TRMT11: variants seen among roughly 807,000 people sequenced by gnomAD.
The protein encoded by TRMT11 is tRNA (guanine(10)-N(2))-methyltransferase TRMT11.
Under a neutral mutation model 62.8 loss-of-function variants are expected in TRMT11, and 53 were observed. That is an observed-to-expected ratio of 0.84 (90% confidence interval 0.68 to 1.06). TRMT11 has a LOEUF of 1.06. Among genes scored for constraint, TRMT11 ranks in the 50% least tolerant of loss-of-function variants. The pLI is 0.00. For synonymous variants in TRMT11, 188 were observed against 190.3 expected, an observed-to-expected ratio of 0.99 and a Z score of 0.10; for missense variants, 556 against 553.4, an observed-to-expected ratio of 1.00 and a Z score of -0.05.
At chr6:126,134,164 T>C (rs1777822995) in intron 21 of TRMT11, among the ~76,000 whole-genome samples, 1 of 151,880 alleles carries the variant, frequency 6.6e-6, no homozygotes, top group African/African-American at 2.4e-5. Flanking sequence ...ATAATAACAT[T>C]AAATGTAAAT....
chr6:126,174,840 G>A (rs571550966), upstream of TRMT11, among the ~76,000 whole-genome samples: 1 of 152,320 alleles, frequency 6.6e-6, no homozygotes, highest in East Asian at 1.9e-4. Context: ...AAGACAGTGA[G>A]AGAGCAAGAG....
Position 125,998,683 on chromosome 6 carries a change from G to A in TRMT11, c.521G>A (p.Trp174Ter), listed in dbSNP as rs1314545370. 1 of 1,608,518 alleles carries A rather than the reference G, an allele frequency of 6.2e-7. No individual in the cohort carries two copies. Among genetic ancestry groups the A allele is most frequent in the Non-Finnish European group, 8.5e-7 (1 of 1,178,456 alleles). The change falls in exon 6 of 13, where the codon TGG becomes TAG. Residue 174 changes from tryptophan to a stop codon, truncating the protein, a stop_gained and splice_region_variant. Coordinates refer to ENST00000334379, the MANE Select transcript of TRMT11 (RefSeq NM_001031712.3). LOFTEE classifies it high-confidence loss of function. ...ENPHNIYFGR[W>*]IADGQRELIE... The stretch of plus-strand genomic sequence containing the variant: ...CCACATAATATTTATTTTGGTAGAT[G>A]GGTGAGCAAGTTTTCTTTCTACCTA...
At chr6:126,042,293 G>A (rs953951733), downstream of TRMT11, among the ~76,000 whole-genome samples, 2 of 152,176 alleles carry the variant, frequency 1.3e-5, no homozygotes, top group African/African-American at 4.8e-5. Context: ...ATGTTCATAT[G>A]TTTCACTGTG....
chr6:126,151,851 T>TTTCTTTCTTTCTTTCTTTCTTTCC (rs1778052574), intron 21 of TRMT11, among the ~76,000 whole-genome samples: 1 of 142,368 alleles, frequency 7.0e-6, no homozygotes, highest in African/African-American at 2.6e-5. Flanking sequence ...TCTTTCTTTC[T>TTTCTTTCTTTCTTTCTTTCTTTCC]TTCTTTCTTT....
chr6:126,093,402 G>T (rs866712750), intron 17 of TRMT11, among the ~76,000 whole-genome samples: 3 of 150,712 alleles, frequency 2.0e-5, no homozygotes, highest in Non-Finnish European at 4.4e-5. Context: ...AAGGTAAATT[G>T]ACTATAACAA....
At chr6:126,021,044 T>C in intron 11 of TRMT11, 116 bp from the exon 12 acceptor site, 2 of 1,164,160 alleles carry the variant, frequency 1.7e-6, no homozygotes, top group Non-Finnish European at 2.5e-6. Context: ...AGTTAGCATA[T>C]GTGGGGAAAA....
intron 17 of TRMT11, among the ~76,000 whole-genome samples, chr6:126,072,284 G>T (rs1413009147): frequency 1.3e-5 from 2 of 152,144 alleles, no homozygotes; most frequent in East Asian, 1.9e-4. Context: ...TAAGGTCATA[G>T]AACACATGCT....
intron 21 of TRMT11, among the ~76,000 whole-genome samples, chr6:126,155,040 CT>C (rs1778100873): frequency 6.6e-6 from 1 of 152,066 alleles, no homozygotes; most frequent in South Asian, 2.1e-4. Context: ...TTGTATTAGG[CT>C]GTTTGAGTTG....
intron 21 of TRMT11, among the ~76,000 whole-genome samples, chr6:126,166,960 C>T (rs1344369178): frequency 6.6e-6 from 1 of 152,116 alleles, no homozygotes; most frequent in Non-Finnish European, 1.5e-5. Context: ...CAGTGTCCCA[C>T]CCCCCACCAA....
At chr6:126,252,701 G>A in the TRMT11 span, among the ~76,000 whole-genome samples, 1 of 152,148 alleles carries the variant, frequency 6.6e-6, no homozygotes, top group East Asian at 1.9e-4. Flanking sequence ...GCATCTGCAA[G>A]CAGGTAGAAA....
At chr6:126,073,717 GTATGT>G (rs1776927325) in intron 17 of TRMT11, among the ~76,000 whole-genome samples, 1 of 152,000 alleles carries the variant, frequency 6.6e-6, no homozygotes, top group Admixed American at 6.6e-5. Context: ...ATTCTTAAAA[GTATGT>G]TATATTATTT....
At chr6:126,160,058 A>G (rs536450447) in intron 21 of TRMT11, among the ~76,000 whole-genome samples, 6 of 152,296 alleles carry the variant, frequency 3.9e-5, no homozygotes, top group Admixed American at 3.3e-4. Context: ...GGACATATTC[A>G]TGGCTCTTCT....
chr6:126,248,992 G>A, the TRMT11 span, among the ~76,000 whole-genome samples: 1 of 152,054 alleles, frequency 6.6e-6, no homozygotes. Context: ...CTATCCAAGG[G>A]AAAAGTATTT....
Position 126,008,430 on chromosome 6 carries a change from G to A in TRMT11, c.718G>A (p.Val240Met), listed in dbSNP as rs200432870. Residue 240 changes from valine to methionine, a missense_variant, in exon 8 of 13, where the codon GTG (valine) becomes ATG (methionine). Physicochemically the swap from Val to Met is conservative, Grantham distance 21 (BLOSUM62 1). Coordinates refer to ENST00000334379, the MANE Select transcript of TRMT11 (RefSeq NM_001031712.3). ...AGCATGTGCTCATTTTGGTGCATAT[G>A]TGTATGGGACAGACATAGACTACAA... ...LIACAHFGAYVYGTDIDYNTV... is the reference protein window; with the variant it reads ...LIACAHFGAYMYGTDIDYNTV... 4.2e-5 allele frequency: 68 copies of A among 1,613,038 alleles called. 2 individuals are homozygous for A. Among genetic ancestry groups the A allele is most frequent in the Non-Finnish European group, 8.5e-6 (10 of 1,179,260 alleles).
At chr6:126,133,126 G>A (rs1272618516) in intron 21 of TRMT11, among the ~76,000 whole-genome samples, 4 of 151,952 alleles carry the variant, frequency 2.6e-5, no homozygotes, top group African/African-American at 9.7e-5. Context: ...AAATAATTAA[G>A]TTCGGATGAA....
intron 21 of TRMT11, among the ~76,000 whole-genome samples, chr6:126,119,992 A>G (rs6941638): frequency 0.22 from 32,987 of 152,064 alleles, 7,434 homozygotes; most frequent in African/African-American, 0.58. Flanking sequence ...GACCAAATAA[A>G]GCTTGGCTCA....
chr6:126,113,031 A>G (rs546705830), intron 18 of TRMT11, among the ~76,000 whole-genome samples: 1 of 152,148 alleles, frequency 6.6e-6, no homozygotes, highest in South Asian at 2.1e-4. Flanking sequence ...CCTAGATGAC[A>G]CTGGAGACAT....
intron 17 of TRMT11, among the ~76,000 whole-genome samples, chr6:126,080,580 C>T (rs1396566467): frequency 2.0e-5 from 3 of 152,130 alleles, no homozygotes; most frequent in African/African-American, 4.8e-5. Flanking sequence ...TCTTCATCCA[C>T]GTGTTTTCTC....
intron 17 of TRMT11, among the ~76,000 whole-genome samples, chr6:126,089,727 C>T (rs1777253192): frequency 6.6e-6 from 1 of 152,166 alleles, no homozygotes; most frequent in Non-Finnish European, 1.5e-5. Context: ...AATTTAAGTT[C>T]AACTGTAAGT....
Sources: allele counts gnomAD v4.1 joint callset (sites outside exome capture counted in the v4.1 genomes callset), GRCh38; gene constraint gnomAD v4.1.1; transcripts MANE v1.5; gene names NCBI Gene and HGNC (gene_info 2026-07-23, HGNC 2026-07-21).